Variants in PRKCA observed in about 807,000 individuals in gnomAD.
The protein encoded by PRKCA is protein kinase C alpha.
Under a neutral mutation model 87.0 loss-of-function variants are expected in PRKCA, and 27 were observed. That is an observed-to-expected ratio of 0.31 (90% CI 0.23 to 0.43). The LOEUF is 0.43. Among genes scored for constraint, PRKCA ranks in the 20% least tolerant of loss-of-function variants. The pLI is 1.00. For synonymous variants in PRKCA, 329 were observed against 311.1 expected, an observed-to-expected ratio of 1.06 and a Z score of -0.61; for missense variants, 518 against 852.3, an observed-to-expected ratio of 0.61 and a Z score of 4.88.
chr17:66,738,021 C>A (rs1974075381), intron 10 of PRKCA, among the ~76,000 whole-genome samples: 1 of 152,176 alleles, frequency 6.6e-6, no homozygotes, highest in South Asian at 2.1e-4. Flanking sequence ...TAGCAGAGAG[C>A]AGAGGTCATT....
At chr17:66,739,476 A>G (rs1021533237) in intron 11 of PRKCA, among the ~76,000 whole-genome samples, 1 of 152,220 alleles carries the variant, frequency 6.6e-6, no homozygotes, top group Admixed American at 6.5e-5. Context: ...TGCGAAAGGA[A>G]CGAGGTGCTC....
rs1218881833 is a variant in PRKCA at position 66,604,622 on chromosome 17, TGCCAATA to T, written c.289-36730_289-36724del. ...ACTTAATTAGGATTCTCTGAAGACA[TGCCAATA>T]GCATCTGCTCAGAAGTAGTGCTGCA... On this transcript the variant is annotated intron_variant, in intron 3 of 16. Transcript: ENST00000413366. Among the ~76,000 whole-genome samples, 10 of 152,320 alleles carry T rather than the reference TGCCAATA, an allele frequency of 6.6e-5. No homozygotes were observed. In the East Asian group the frequency reaches 1.5e-3, roughly 24 times the overall value.
intron 16 of PRKCA, among the ~76,000 whole-genome samples, chr17:66,799,052 ATGG>A (rs1975791080): frequency 1.3e-4 from 3 of 23,674 alleles, no homozygotes; most frequent in Admixed American, 5.0e-4. Context: ...GGTGATGGTG[ATGG>A]TGGTGGTGGT....
rs190507229 is a variant in PRKCA at position 66,334,711 on chromosome 17, C to T, written c.205+28584C>T. 6.1e-4 allele frequency among the ~76,000 whole-genome samples: 93 copies of T among 152,304 alleles called. 1 individual carries two copies. The highest frequency in any genetic ancestry group is 5.9e-4 in the Non-Finnish European group (40 of 68,018). On this transcript the variant is annotated intron_variant, in intron 2 of 16. Transcript: ENST00000413366. ...AAAATGGTATGAAGGCTTCTCAAAA[C>T]ATTAAACATAGAATTCCTATGTGTC...
chr17:66,614,760 T>C (rs1018207668), intron 3 of PRKCA, among the ~76,000 whole-genome samples: 4 of 152,218 alleles, frequency 2.6e-5, no homozygotes, highest in African/African-American at 4.8e-5. Flanking sequence ...TTTGGAGGTG[T>C]GCACAAATTC....
At chr17:66,439,622 C>T (rs776816080) in intron 2 of PRKCA, among the ~76,000 whole-genome samples, 11 of 152,186 alleles carry the variant, frequency 7.2e-5, no homozygotes, top group Admixed American at 2.0e-4. Flanking sequence ...TCGTTGTCCT[C>T]TGTGCTTTAC....
chr17:66,535,082 C>T (rs1311823588), intron 3 of PRKCA, among the ~76,000 whole-genome samples: 1 of 152,228 alleles, frequency 6.6e-6, no homozygotes, highest in Non-Finnish European at 1.5e-5. Flanking sequence ...TATCCCCAAA[C>T]TCTCTGAGAC....
intron 3 of PRKCA, among the ~76,000 whole-genome samples, chr17:66,507,766 TG>T (rs1272264018): frequency 6.6e-6 from 1 of 152,212 alleles, no homozygotes; most frequent in Non-Finnish European, 1.5e-5. Flanking sequence ...TGGCTCATGC[TG>T]GGGCTTATTC....
At chr17:66,759,255 C>G (rs1445674485) in intron 13 of PRKCA, among the ~76,000 whole-genome samples, 1 of 151,718 alleles carries the variant, frequency 6.6e-6, no homozygotes, top group African/African-American at 2.4e-5. Flanking sequence ...ACTCGGGAGG[C>G]TGAGGCAGGA....
intron 3 of PRKCA, among the ~76,000 whole-genome samples, chr17:66,629,206 C>T (rs990470579): frequency 1.1e-4 from 17 of 152,312 alleles, no homozygotes; most frequent in African/African-American, 4.1e-4. Context: ...CTTCTGCCTC[C>T]TCTGTGTGTT....
chr17:66,318,592 C>T (rs373952172), intron 2 of PRKCA, among the ~76,000 whole-genome samples: 9 of 152,076 alleles, frequency 5.9e-5, no homozygotes, highest in South Asian at 2.1e-4. Flanking sequence ...TGGTGGCTCA[C>T]GCCTATAATC....
At chr17:66,668,861 G>A (rs1317193367) in intron 5 of PRKCA, among the ~76,000 whole-genome samples, 1 of 152,166 alleles carries the variant, frequency 6.6e-6, no homozygotes, top group Non-Finnish European at 1.5e-5. Flanking sequence ...CCAGCACTCT[G>A]GGAGGCCAAG....
chr17:66,369,893 C>T (rs1167278389), intron 2 of PRKCA, among the ~76,000 whole-genome samples: 1 of 152,234 alleles, frequency 6.6e-6, no homozygotes, highest in Non-Finnish European at 1.5e-5. Flanking sequence ...ACTCGAGCAG[C>T]CTGTTTGCAT....
rs192329482 is a variant in PRKCA at position 66,530,017 on chromosome 17, A to G, written c.288+33734A>G. 1.2e-3 allele frequency among the ~76,000 whole-genome samples: 179 copies of G among 152,298 alleles called. 1 individual carries two copies. The highest frequency in any genetic ancestry group is 1.1e-3 in the Non-Finnish European group (73 of 68,020). On this transcript the variant is annotated intron_variant, in intron 3 of 16. Transcript: ENST00000413366. ...AGGAAGTAGGATTCCTTTTGCTGCT[A>G]GGAACCACGTTAGCTTTGGATTGTC...
intron 2 of PRKCA, among the ~76,000 whole-genome samples, chr17:66,350,284 G>T (rs1047587476): frequency 6.6e-6 from 1 of 152,118 alleles, no homozygotes; most frequent in African/African-American, 2.4e-5. Flanking sequence ...CTCAGGAAAG[G>T]TGTGACCAAA....
chr17:66,531,161 C>T (rs1967522268), intron 3 of PRKCA, among the ~76,000 whole-genome samples: 1 of 152,178 alleles, frequency 6.6e-6, no homozygotes, highest in South Asian at 2.1e-4. Context: ...TTCAGGAAAG[C>T]CTTCTATTAA....
intron 2 of PRKCA, among the ~76,000 whole-genome samples, chr17:66,443,311 T>C (rs1913868754): frequency 6.6e-6 from 1 of 152,138 alleles, no homozygotes; most frequent in Admixed American, 6.5e-5. Flanking sequence ...AAATAATGAA[T>C]GGGAAGTAAC....
chr17:66,320,235 A>AC (rs1364764337), intron 2 of PRKCA, among the ~76,000 whole-genome samples: 4 of 151,648 alleles, frequency 2.6e-5, no homozygotes, highest in Admixed American at 2.0e-4. Flanking sequence ...TGTAAACCAA[A>AC]CCCCCAGAGA....
chr17:66,493,166 CATT>C (rs1464834342), intron 2 of PRKCA, among the ~76,000 whole-genome samples: 1 of 152,084 alleles, frequency 6.6e-6, no homozygotes, highest in East Asian at 1.9e-4. Context: ...TTTACAATCA[CATT>C]ATATTATGAT....
Sources: allele counts gnomAD v4.1 joint callset (sites outside exome capture counted in the v4.1 genomes callset), GRCh38; gene constraint gnomAD v4.1.1; transcripts MANE v1.5; gene names NCBI Gene and HGNC (gene_info 2026-07-23, HGNC 2026-07-21).